Variants in SMAP2 observed in about 807,000 individuals in gnomAD.
SMAP2 encodes small ArfGAP2, also known as stromal membrane-associated protein 2.
Under a neutral mutation model 56.4 loss-of-function variants are expected in SMAP2, and 25 were observed. The ratio of observed to expected loss-of-function variants is 0.44; its 90% CI spans 0.32 to 0.62. The LOEUF (loss-of-function observed/expected upper bound fraction) is 0.62, where lower values mean the gene tolerates loss of function less well. Among genes scored for constraint, SMAP2 ranks in the 20% least tolerant of loss-of-function variants. The pLI is 0.04. For missense variants in SMAP2, 388 were observed against 545.6 expected (o/e 0.71, Z 2.88); for synonymous variants, 157 against 181.7 (o/e 0.86, Z 1.09).
rs1047675794 is a variant in SMAP2 at position 40,403,107 on chromosome 1, G to T, written c.104-3629G>T. ...AGGAAGCTGCTTAAATTTTCATGTT[G>T]CCTAGAAGACTTTGAAATTGGGTCT... On this transcript the variant is annotated intron_variant, in intron 1 of 9. Transcript: ENST00000372718. Among the ~76,000 whole-genome samples, 14 of 152,276 alleles carry T rather than the reference G, an allele frequency of 9.2e-5. 1 individual carries two copies. The highest frequency in any genetic ancestry group is 5.8e-4 in the East Asian group (3 of 5,188).
intron 1 of SMAP2, among the ~76,000 whole-genome samples, chr1:40,404,384 G>A (rs1211760158): frequency 6.6e-6 from 1 of 152,196 alleles, no homozygotes; most frequent in African/African-American, 2.4e-5. Flanking sequence ...ACAGTTGCCT[G>A]TATTTCTGTA....
At chr1:40,411,981 T>C (rs765623776) in intron 4 of SMAP2, among the ~76,000 whole-genome samples, 5 of 152,202 alleles carry the variant, frequency 3.3e-5, no homozygotes, top group Non-Finnish European at 5.9e-5. Flanking sequence ...CGTGCCTTCA[T>C]TCCACTTAAC....
chr1:40,348,111 A>G (rs1644396753), intron 1 of SMAP2, among the ~76,000 whole-genome samples: 1 of 152,196 alleles, frequency 6.6e-6, no homozygotes, highest in South Asian at 2.1e-4. Flanking sequence ...AGCCTGGGCA[A>G]CATAGCGTGA....
intron 1 of SMAP2, among the ~76,000 whole-genome samples, chr1:40,347,261 T>TG (rs1222335051): frequency 8.4e-4 from 125 of 149,658 alleles, no homozygotes; most frequent in African/African-American, 2.9e-3. Flanking sequence ...GTTTTTTTTT[T>TG]TTTTTTTAAA....
At chr1:40,416,723 G>A (rs981270493) in intron 8 of SMAP2, 57 bp from the exon 9 acceptor site, 10 of 1,519,210 alleles carry the variant, frequency 6.6e-6, no homozygotes, top group African/African-American at 5.5e-5. Flanking sequence ...GGGAGAGTTC[G>A]GGCTGACTTT....
chr1:40,417,228 C>CTTTTTTTTTTTTT (rs34036744), intron 9 of SMAP2, 132 bp downstream of exon 9: 1 of 396,020 alleles, frequency 2.5e-6, no homozygotes. Context: ...GTTAGGTTTG[C>CTTTTTTTTTTTTT]TTTTTTTTTT....
At position 40,416,916 on chromosome 1, in the gene SMAP2, G is replaced by A. The variant is rs543073924; in HGVS notation, c.984G>A (p.Gly328=). The A allele has an allele frequency of 3.1e-6, 5 of 1,614,228 alleles. No individual in the cohort carries two copies. The Admixed American group carries it at 5.0e-5, about 16-fold the overall frequency. Residue 328 remains glycine, a synonymous_variant, in exon 9 of 10, where the codon GGG becomes GGA. Transcript: ENST00000372718. ...VGMVAQPGAS[G]MVAPMAMPAG... The stretch of plus-strand genomic sequence containing the variant: ...TGGTTGCTCAGCCAGGAGCTTCTGG[G>A]ATGGTTGCCCCCATGGCCATGCCTG...
chr1:40,404,134 T>C (rs1644862863), intron 1 of SMAP2, among the ~76,000 whole-genome samples: 1 of 152,188 alleles, frequency 6.6e-6, no homozygotes, highest in African/African-American at 2.4e-5. Context: ...AACTACACCA[T>C]TTCCCCATGT....
At chr1:40,416,009 T>A (rs528214863) in intron 7 of SMAP2, among the ~76,000 whole-genome samples, 167 bp from the exon 8 acceptor site, 7 of 152,228 alleles carry the variant, frequency 4.6e-5, no homozygotes, top group Admixed American at 3.9e-4. Context: ...CAGAGCTTAA[T>A]TATCAGGTGT....
At chr1:40,414,451 G>A (rs1210180433) in intron 6 of SMAP2, among the ~76,000 whole-genome samples, 1 of 152,214 alleles carries the variant, frequency 6.6e-6, no homozygotes, top group Non-Finnish European at 1.5e-5. Flanking sequence ...TGGTGTAGTG[G>A]TTAAGAGCAT....
chr1:40,383,061 T>A (rs898584911), intron 1 of SMAP2, among the ~76,000 whole-genome samples: 2 of 152,204 alleles, frequency 1.3e-5, no homozygotes, highest in Admixed American at 6.5e-5. Flanking sequence ...GTTGGTCTTA[T>A]AAGCAGAGGG....
intron 1 of SMAP2, among the ~76,000 whole-genome samples, chr1:40,352,626 A>G (rs917061334): frequency 6.6e-6 from 1 of 150,854 alleles, no homozygotes; most frequent in African/African-American, 2.4e-5. Context: ...GCAACCTTGA[A>G]CTCCCAGGCT....
At chr1:40,410,994 T>A (rs1644930779) in intron 4 of SMAP2, among the ~76,000 whole-genome samples, 1 of 152,182 alleles carries the variant, frequency 6.6e-6, no homozygotes, top group South Asian at 2.1e-4. Context: ...TAATAGCCAG[T>A]GAAATCACTG....
rs1406172460 is a variant in SMAP2 at position 40,416,945 on chromosome 1, G to T, written c.1013G>T (p.Gly338Val). Residue 338 changes from glycine to valine, a missense_variant, in exon 9 of 10, where the codon GGC becomes GTC. Transcript: ENST00000372718. ...GTTGCCCCCATGGCCATGCCTGCAG[G>T]CTATATGGGTGGCATGCAGGCATCA... ...GMVAPMAMPA[G>V]YMGGMQASMM... 1.9e-6 allele frequency: 3 copies of T among 1,614,082 alleles called. No homozygotes were observed. The Admixed American group carries it at 5.0e-5, about 27-fold the overall frequency.
At chr1:40,365,148 T>TGAGAGCACCGTGGGC (rs148571058) in intron 2 of SMAP2, 8,286 of 168,030 alleles carry the variant, frequency 0.049, 355 homozygotes, top group East Asian at 0.15. Context: ...CTTTATATAC[T>TGAGAGCACCGTGGGC]GAGAGCACCG....
At chr1:40,412,240 C>T (rs188615008) in intron 4 of SMAP2, among the ~76,000 whole-genome samples, 210 of 152,240 alleles carry the variant, frequency 1.4e-3, no homozygotes, top group African/African-American at 4.9e-3. Context: ...AGGATTTCAA[C>T]ATTTGTCTCT....
At chr1:40,381,453 A>T (rs937661187) in intron 1 of SMAP2, among the ~76,000 whole-genome samples, 5 of 152,246 alleles carry the variant, frequency 3.3e-5, no homozygotes, top group African/African-American at 1.2e-4. Context: ...GTCTTAAAGG[A>T]TAAGTATGAC....
At chr1:40,396,309 G>A (rs911515790) in intron 1 of SMAP2, among the ~76,000 whole-genome samples, 2 of 152,150 alleles carry the variant, frequency 1.3e-5, no homozygotes, top group Non-Finnish European at 2.9e-5. Context: ...GAAATGGTAC[G>A]TAACTGACTC....
chr1:40,390,899 G>A (rs1304615241), intron 1 of SMAP2, among the ~76,000 whole-genome samples: 1 of 152,170 alleles, frequency 6.6e-6, no homozygotes, highest in Admixed American at 6.5e-5. Context: ...AACAAGAGAG[G>A]CTTTTCCACA....
Sources: allele counts gnomAD v4.1 joint callset (sites outside exome capture counted in the v4.1 genomes callset), GRCh38; gene constraint gnomAD v4.1.1; transcripts MANE v1.5; gene names NCBI Gene and HGNC (gene_info 2026-07-23, HGNC 2026-07-21).